The following VCF2 variants were observed in gnomAD, a reference collection of about 807,000 sequenced individuals.
VCF2 encodes VCP nuclear cofactor family member 2.
chrX:55,159,563 T>A, the VCF2 span, among the ~76,000 whole-genome samples: 2 of 112,453 alleles, frequency 1.8e-5, no homozygotes, highest in Non-Finnish European at 3.8e-5. Flanking sequence ...TTTGACTCCA[T>A]GAAGTTACAA....
chrX:55,144,712 G>A, the VCF2 span, among the ~76,000 whole-genome samples: 3 of 112,072 alleles, frequency 2.7e-5, no homozygotes, highest in African/African-American at 6.5e-5. Context: ...GTAACCTTAC[G>A]TCTTTTCCAA....
At chrX:55,150,249 C>A in the VCF2 span, among the ~76,000 whole-genome samples, 1 of 111,967 alleles carries the variant, frequency 8.9e-6, no homozygotes, top group Non-Finnish European at 1.9e-5. Flanking sequence ...CAGTCCCCAA[C>A]CTTTTTGGCA....
chrX:55,160,601 G>A, the VCF2 span: 1 of 429,889 alleles, frequency 2.3e-6, no homozygotes, highest in Non-Finnish European at 4.0e-6. Context: ...CGCTTTAACA[G>A]TCTAACCAAG....
chrX:55,149,971 A>G, the VCF2 span, among the ~76,000 whole-genome samples: 26 of 112,142 alleles, frequency 2.3e-4, no homozygotes, highest in East Asian at 3.6e-3. Flanking sequence ...CTATTTTGTG[A>G]TATCAAGTGT....
At chrX:55,160,375 G>A in the VCF2 span, among the ~76,000 whole-genome samples, 1 of 112,318 alleles carries the variant, frequency 8.9e-6, no homozygotes, top group African/African-American at 3.2e-5. Context: ...CTTACAATAC[G>A]TTTGCATTGT....
At chrX:55,159,240 T>C in the VCF2 span, 1 of 1,173,074 alleles carries the variant, frequency 8.5e-7, no homozygotes, top group Non-Finnish European at 1.2e-6. Flanking sequence ...TGAAAATAAA[T>C]TGTAAAGAGA....
chrX:55,147,545 A>C, the VCF2 span, among the ~76,000 whole-genome samples: 2 of 110,753 alleles, frequency 1.8e-5, no homozygotes, highest in East Asian at 5.6e-4. Flanking sequence ...AAAGTAATGA[A>C]GTTATGAATA....
At chrX:55,148,701 G>T in the VCF2 span, among the ~76,000 whole-genome samples, 4 of 110,499 alleles carry the variant, frequency 3.6e-5, no homozygotes, top group Non-Finnish European at 7.6e-5. Flanking sequence ...TAGAGATTGG[G>T]TTTTGATTTT....
chrX:55,155,938 CTTCTTTTT>C, the VCF2 span, among the ~76,000 whole-genome samples: 1 of 91,046 alleles, frequency 1.1e-5, no homozygotes, highest in Non-Finnish European at 2.2e-5. Flanking sequence ...CTTTCTTCTT[CTTCTTTTT>C]TTTTTTTTTT....
chrX:55,160,907 AT>A, the VCF2 span: 4 of 1,160,087 alleles, frequency 3.4e-6, no homozygotes, highest in Admixed American at 5.2e-5. Context: ...GCTTCGCGGG[AT>A]TTTTTTTCAA....
At chrX:55,157,866 G>C in the VCF2 span, among the ~76,000 whole-genome samples, 2 of 112,222 alleles carry the variant, frequency 1.8e-5, no homozygotes, top group Admixed American at 1.9e-4. Flanking sequence ...AAGGTAAAAT[G>C]AATGTTCCTG....
At chrX:55,143,201 T>C in the VCF2 span, 3 of 111,145 alleles carry the variant, frequency 2.7e-5, no homozygotes, top group African/African-American at 9.8e-5. Context: ...TTAGATTTTT[T>C]TATCACCTTT....
chrX:55,144,860 T>G, the VCF2 span, among the ~76,000 whole-genome samples: 1 of 112,332 alleles, frequency 8.9e-6, no homozygotes, highest in African/African-American at 3.2e-5. Context: ...CTCTAACGCA[T>G]TTTTGTTTAA....
the VCF2 span, chrX:55,160,950 C>A: frequency 8.6e-7 from 1 of 1,164,462 alleles, no homozygotes; most frequent in East Asian, 3.3e-5. Flanking sequence ...GCAAGCAGGG[C>A]CGCGCCACCG....
At chrX:55,146,084 T>A in the VCF2 span, 1 of 1,209,039 alleles carries the variant, frequency 8.3e-7, no homozygotes, top group Non-Finnish European at 1.1e-6. Context: ...TCCTAATTCA[T>A]CATGTTGGAG....
chrX:55,154,426 T>C, the VCF2 span, among the ~76,000 whole-genome samples: 1 of 112,677 alleles, frequency 8.9e-6, no homozygotes, highest in Non-Finnish European at 1.9e-5. Context: ...GAATTTTCAA[T>C]ATAGGTTTAA....
chrX:55,152,745 T>C, the VCF2 span, among the ~76,000 whole-genome samples: 1 of 112,046 alleles, frequency 8.9e-6, no homozygotes. Context: ...TAAAGCGACA[T>C]ACCTTTCTCA....
the VCF2 span, chrX:55,159,350 C>G: frequency 2.1e-6 from 1 of 477,390 alleles, no homozygotes; most frequent in Non-Finnish European, 3.3e-6. Flanking sequence ...TCACTATCTG[C>G]TATCCCAAGA....
At chrX:55,159,045 C>T in the VCF2 span, 1 of 769,854 alleles carries the variant, frequency 1.3e-6, no homozygotes, top group Non-Finnish European at 1.8e-6. Context: ...TGGAATAATA[C>T]ATTTCTTTTC....
Sources: gnomAD v4.1 joint callset for allele counts (sites outside exome capture counted in the v4.1 genomes callset) on GRCh38, gnomAD v4.1.1 for gene constraint, MANE v1.5 for transcripts, NCBI Gene and HGNC (gene_info 2026-07-23, HGNC 2026-07-21) for gene names.